MACROD2: variants seen among roughly 807,000 people sequenced by gnomAD.
MACROD2 encodes ADP-ribose glycohydrolase MACROD2.
Under a neutral mutation model 70.4 loss-of-function variants are expected in MACROD2, and 36 were observed. The ratio of observed to expected loss-of-function variants is 0.51; its 90% CI spans 0.39 to 0.68. MACROD2 has a LOEUF of 0.68. Ranked by LOEUF, MACROD2 falls within the 30% of genes least tolerant of loss-of-function variation. The pLI, the probability that MACROD2 is intolerant of heterozygous loss-of-function variation, is 0.00. For missense variants in MACROD2, 496 were observed against 538.4 expected, an observed-to-expected ratio of 0.92 and a Z score of 0.78; for synonymous variants, 172 against 178.8, an observed-to-expected ratio of 0.96 and a Z score of 0.30.
intron 8 of MACROD2, among the ~76,000 whole-genome samples, chr20:15,847,108 A>T (rs1214041095): frequency 6.6e-6 from 1 of 152,116 alleles, no homozygotes; most frequent in Admixed American, 6.6e-5. Flanking sequence ...ATACATCATC[A>T]GTGGATCTTT....
At chr20:14,754,223 A>T (rs559997731) in intron 5 of MACROD2, among the ~76,000 whole-genome samples, 1 of 152,258 alleles carries the variant, frequency 6.6e-6, no homozygotes, top group South Asian at 2.1e-4. Flanking sequence ...GGAGATGGAC[A>T]TAGTCTCCAC....
At chr20:14,757,710 C>T (rs907439605) in intron 5 of MACROD2, 4 of 1,500,944 alleles carry the variant, frequency 2.7e-6, no homozygotes, top group Non-Finnish European at 2.8e-6. Flanking sequence ...GCCATGCAGT[C>T]TCTCAAGTCC....
chr20:15,175,540 TA>T (rs2076454539), intron 5 of MACROD2, among the ~76,000 whole-genome samples: 2 of 152,206 alleles, frequency 1.3e-5, no homozygotes, highest in Admixed American at 1.3e-4. Flanking sequence ...TTACACTACT[TA>T]AAATGTTTAG....
chr20:15,462,830 G>A lies in MACROD2; in HGVS notation c.571+31395G>A, dbSNP rs778057260. 2.0e-5 allele frequency among the ~76,000 whole-genome samples: 3 copies of A among 152,160 alleles called. No homozygotes were observed. In the East Asian group the frequency reaches 5.8e-4, roughly 29 times the overall value. On this transcript the variant is annotated intron_variant, in intron 7 of 17. Transcript: ENST00000684519. ...TAATTGCCACTTGGACAAGTTTCAT[G>A]TGGTTGACATTAATAGACCATGCTG... is the stretch of plus-strand genomic sequence containing the variant.
chr20:14,791,161 T>C (rs1026198747), intron 5 of MACROD2, among the ~76,000 whole-genome samples: 5 of 152,120 alleles, frequency 3.3e-5, no homozygotes, highest in Non-Finnish European at 5.9e-5. Context: ...TCCTACATTG[T>C]ACAAAAAAGC....
intron 4 of MACROD2, among the ~76,000 whole-genome samples, chr20:14,503,763 A>C (rs1043747363): frequency 6.6e-6 from 1 of 152,236 alleles, no homozygotes; most frequent in Non-Finnish European, 1.5e-5. Context: ...AACACACCAA[A>C]GGCCTCACAC....
At chr20:15,045,746 C>CTTTTTTTTTTTAT (rs1555777168) in intron 5 of MACROD2, among the ~76,000 whole-genome samples, 1 of 75,872 alleles carries the variant, frequency 1.3e-5, no homozygotes, top group Admixed American at 1.3e-4. Context: ...TTTTTTTTTC[C>CTTTTTTTTTTTAT]CTTTCTGATA....
chr20:15,794,562 A>G (rs892052270), intron 8 of MACROD2, among the ~76,000 whole-genome samples: 35 of 152,202 alleles, frequency 2.3e-4, no homozygotes, highest in African/African-American at 8.4e-4. Context: ...CCTTTCCCCT[A>G]AAGATCAAAT....
chr20:14,771,049 G>A (rs1250307352), intron 5 of MACROD2, among the ~76,000 whole-genome samples: 1 of 152,072 alleles, frequency 6.6e-6, no homozygotes, highest in Non-Finnish European at 1.5e-5. Flanking sequence ...ACTGCATAAA[G>A]CTGATTGCCC....
At chr20:15,526,908 A>G (rs1188917746) in intron 8 of MACROD2, among the ~76,000 whole-genome samples, 1 of 152,208 alleles carries the variant, frequency 6.6e-6, no homozygotes, top group Non-Finnish European at 1.5e-5. Flanking sequence ...AATATTTCCT[A>G]GGCACAATTC....
intron 5 of MACROD2, among the ~76,000 whole-genome samples, chr20:14,772,154 C>A (rs922879198): frequency 6.6e-5 from 10 of 152,156 alleles, no homozygotes; most frequent in East Asian, 1.9e-4. Flanking sequence ...CTTTCACAGG[C>A]CTAAAAATGT....
chr20:15,680,083 T>C (rs1304861832), intron 8 of MACROD2, among the ~76,000 whole-genome samples: 1 of 152,130 alleles, frequency 6.6e-6, no homozygotes, highest in Non-Finnish European at 1.5e-5. Flanking sequence ...CAAGGTCAAG[T>C]CCTCCAAGTA....
intron 4 of MACROD2, among the ~76,000 whole-genome samples, chr20:14,539,137 C>T (rs2085401371): frequency 6.6e-6 from 1 of 152,204 alleles, no homozygotes; most frequent in African/African-American, 2.4e-5. Flanking sequence ...CAAGACCTTT[C>T]TCTGTCCAGC....
At chr20:15,570,529 T>C (rs1259350228) in intron 8 of MACROD2, among the ~76,000 whole-genome samples, 2 of 152,164 alleles carry the variant, frequency 1.3e-5, no homozygotes, top group East Asian at 3.8e-4. Flanking sequence ...ATTGATTGGC[T>C]CTAGCAACTA....
chr20:14,375,446 G>T (rs1239917397), intron 3 of MACROD2, among the ~76,000 whole-genome samples: 1 of 152,150 alleles, frequency 6.6e-6, no homozygotes. Flanking sequence ...TGTATTTTGT[G>T]CAGCTGTAAG....
chr20:15,936,303 A>G (rs1433109047), intron 11 of MACROD2, among the ~76,000 whole-genome samples: 2 of 148,882 alleles, frequency 1.3e-5, no homozygotes, highest in Non-Finnish European at 3.0e-5. Flanking sequence ...GTGTGTGTGT[A>G]TATATATAGT....
intron 5 of MACROD2, among the ~76,000 whole-genome samples, chr20:14,971,094 TG>T (rs2074686779): frequency 6.6e-6 from 1 of 152,194 alleles, no homozygotes. Flanking sequence ...CACATTCTCC[TG>T]TAGACTTTCA....
intron 5 of MACROD2, among the ~76,000 whole-genome samples, chr20:15,176,114 C>G (rs1297226874): frequency 6.6e-6 from 1 of 152,210 alleles, no homozygotes; most frequent in East Asian, 1.9e-4. Flanking sequence ...TGCTGACACG[C>G]CAGCCCCCTG....
At chr20:15,801,206 G>A (rs1977108) in intron 8 of MACROD2, among the ~76,000 whole-genome samples, 20,172 of 121,856 alleles carry the variant, frequency 0.17, 3,193 homozygotes, top group East Asian at 0.45. Context: ...AAAAAAAAAC[G>A]AAAAACAAAA....
Sources: gnomAD v4.1 joint callset for allele counts (sites outside exome capture counted in the v4.1 genomes callset) on GRCh38, gnomAD v4.1.1 for gene constraint, MANE v1.5 for transcripts, NCBI Gene and HGNC (gene_info 2026-07-23, HGNC 2026-07-21) for gene names.